NCOA2: variants seen among roughly 807,000 people sequenced by gnomAD.
NCOA2 encodes class E basic helix-loop-helix protein 75.
Under a neutral mutation model 145.1 loss-of-function variants are expected in NCOA2, and 21 were observed. The observed-to-expected ratio is 0.14, with a 90% CI of 0.10 to 0.21. NCOA2 has a LOEUF of 0.21. Among genes scored for constraint, NCOA2 ranks in the 10% least tolerant of loss-of-function variants. NCOA2 has a pLI of 1.00. For synonymous variants in NCOA2, 619 were observed against 637.5 expected (o/e 0.97, Z 0.44); for missense variants, 1,472 against 1,837.6 (o/e 0.80, Z 3.64).
chr8:70,118,507 T>G (rs577976207), intron 22 of NCOA2, among the ~76,000 whole-genome samples: 4 of 152,168 alleles, frequency 2.6e-5, no homozygotes, highest in Non-Finnish European at 5.9e-5. Context: ...CACTCGGGAC[T>G]GTGATTCTTA....
At chr8:70,116,906 G>A (rs953057608) in intron 22 of NCOA2, among the ~76,000 whole-genome samples, 2 of 152,222 alleles carry the variant, frequency 1.3e-5, no homozygotes, top group Non-Finnish European at 2.9e-5. Flanking sequence ...CCAGGCTGGA[G>A]TGCAGTGGCT....
At chr8:70,260,050 G>A (rs1372528493) in intron 2 of NCOA2, among the ~76,000 whole-genome samples, 1 of 152,178 alleles carries the variant, frequency 6.6e-6, no homozygotes, top group Admixed American at 6.5e-5. Context: ...CCACTACCAG[G>A]AAACAAAGTT....
At chr8:70,262,694 T>C (rs1158275485) in intron 2 of NCOA2, among the ~76,000 whole-genome samples, 1 of 152,140 alleles carries the variant, frequency 6.6e-6, no homozygotes, top group Admixed American at 6.5e-5. Context: ...GCAGTCAATG[T>C]GGGAGGAGGC....
At chr8:70,151,502 G>T (rs181783793) in intron 11 of NCOA2, among the ~76,000 whole-genome samples, 1 of 152,232 alleles carries the variant, frequency 6.6e-6, no homozygotes, top group African/African-American at 2.4e-5. Context: ...TGGCTAGGCT[G>T]GTCTTGAACT....
At position 70,166,549 on chromosome 8, in the gene NCOA2, T is replaced by C. The variant is rs1813638105; in HGVS notation, c.730+17A>G. On this transcript the variant is annotated intron_variant, in intron 7 of 22. Transcript: ENST00000452400. ...AAATACACAGACACACAGAACACCC[T>C]AGGGATTCTGTCCCACCTTCTCCTT... 1.2e-6 allele frequency: 2 copies of C among 1,611,594 alleles called. No homozygotes were observed. The highest frequency in any genetic ancestry group is 1.7e-6 in the Non-Finnish European group (2 of 1,177,734).
At chr8:70,201,719 C>T in intron 4 of NCOA2, among the ~76,000 whole-genome samples, 1 of 152,192 alleles carries the variant, frequency 6.6e-6, no homozygotes, top group East Asian at 1.9e-4. Context: ...GATAGAAGGA[C>T]AGCCATTACA....
chr8:70,311,295 T>A (rs1299240910), intron 1 of NCOA2, among the ~76,000 whole-genome samples: 1 of 152,186 alleles, frequency 6.6e-6, no homozygotes, highest in African/African-American at 2.4e-5. Context: ...TGGTAACAAG[T>A]GCTATGTGCT....
chr8:70,317,597 C>T (rs1805706278), intron 1 of NCOA2, among the ~76,000 whole-genome samples: 1 of 152,126 alleles, frequency 6.6e-6, no homozygotes, highest in Admixed American at 6.6e-5. Flanking sequence ...CCAGAAGCTA[C>T]AAAATACTGG....
chr8:70,423,347 C>T, the NCOA2 span, among the ~76,000 whole-genome samples: 80 of 152,232 alleles, frequency 5.3e-4, no homozygotes, highest in Non-Finnish European at 9.0e-4. Flanking sequence ...CCATGCCTGG[C>T]TAATTTTGTA....
intron 1 of NCOA2, among the ~76,000 whole-genome samples, chr8:70,354,244 A>G (rs2130876547): frequency 6.6e-6 from 1 of 152,340 alleles, no homozygotes; most frequent in Non-Finnish European, 1.5e-5. Flanking sequence ...ATTTTTAAAA[A>G]TCACCACTAT....
intron 2 of NCOA2, among the ~76,000 whole-genome samples, chr8:70,267,585 ATTTTTTT>A (rs1248465554): frequency 1.3e-5 from 2 of 150,832 alleles, no homozygotes; most frequent in African/African-American, 4.9e-5. Flanking sequence ...TTTATTTTTT[ATTTTTTT>A]GTAGAGATGG....
chr8:70,144,652 G>C lies in NCOA2; in HGVS notation c.2802C>G (p.Asn934Lys), dbSNP rs778247469. 6.2e-7 allele frequency: 1 copy of C among 1,613,604 alleles called. No homozygotes were observed. The highest frequency in any genetic ancestry group is 2.2e-5 in the East Asian group (1 of 44,876). ...GMIGNQGNLG[N>K]SSTGMIGNSA... The stretch of plus-strand genomic sequence containing the variant: ...CATTTGACCCCTTACCTGTGCTACT[G>C]TTCCCTAAATTTCCTTGGTTTCCTA... The change falls in exon 13 of 23, where the codon AAC becomes AAG. Residue 934 changes from asparagine (N) to lysine (K), a missense_variant. Asn to Lys is a moderately conservative substitution (Grantham distance 94). Transcript: ENST00000452400.
rs56218328 is a variant in NCOA2 at position 70,326,429 on chromosome 8, TCACACA to T, written c.-76-29635_-76-29630del. ...ACTACCCTTTCTGCATTTCTCTCTC[TCACACA>T]CACACACACACACACGTGCACACAC... On this transcript the variant is annotated intron_variant, in intron 1 of 22. Transcript: ENST00000452400. Among the ~76,000 whole-genome samples, 1,225 of 149,236 alleles carry T rather than the reference TCACACA, an allele frequency of 8.2e-3. 13 individuals are homozygous for T. The highest frequency in any genetic ancestry group is 0.012 in the Non-Finnish European group (786 of 67,158).
chr8:70,322,857 T>A (rs1035873479), intron 1 of NCOA2, among the ~76,000 whole-genome samples: 3 of 152,170 alleles, frequency 2.0e-5, no homozygotes, highest in African/African-American at 7.2e-5. Flanking sequence ...GCCAAAAAAG[T>A]GAAGTGCTCA....
At chr8:70,170,162 G>A in intron 6 of NCOA2, 40 bp downstream of exon 6, 2 of 1,587,518 alleles carry the variant, frequency 1.3e-6, no homozygotes, top group Non-Finnish European at 8.6e-7. Context: ...GGCAGGTGGG[G>A]GTGACGGGAG....
At chr8:70,228,997 C>T (rs946651155) in intron 2 of NCOA2, among the ~76,000 whole-genome samples, 1 of 152,158 alleles carries the variant, frequency 6.6e-6, no homozygotes, top group Non-Finnish European at 1.5e-5. Flanking sequence ...TATTTTCTTT[C>T]AAGTCAATGT....
intron 2 of NCOA2, among the ~76,000 whole-genome samples, chr8:70,246,504 G>T (rs922355851): frequency 3.9e-5 from 6 of 151,998 alleles, no homozygotes; most frequent in African/African-American, 1.2e-4. Flanking sequence ...GTTGTAACTG[G>T]CTTCCTCATC....
At chr8:70,328,766 C>T (rs1333747032) in intron 1 of NCOA2, among the ~76,000 whole-genome samples, 1 of 151,782 alleles carries the variant, frequency 6.6e-6, no homozygotes, top group African/African-American at 2.4e-5. Context: ...GATACCTTAC[C>T]AGAATAAATA....
chr8:70,179,714 T>C (rs1341857696), intron 4 of NCOA2, among the ~76,000 whole-genome samples: 2 of 152,146 alleles, frequency 1.3e-5, no homozygotes, highest in Non-Finnish European at 2.9e-5. Context: ...ATATATTCTG[T>C]TACAAAAATA....
Sources: gnomAD v4.1 joint callset for allele counts (sites outside exome capture counted in the v4.1 genomes callset) on GRCh38, gnomAD v4.1.1 for gene constraint, MANE v1.5 for transcripts, NCBI Gene and HGNC (gene_info 2026-07-23, HGNC 2026-07-21) for gene names.